The following NHS variants were observed in gnomAD, a reference collection of about 807,000 sequenced individuals.
NHS encodes actin remodeling regulator NHS.
NHS carries 5 observed loss-of-function variants against 72.5 expected under a neutral mutation model. The ratio of observed to expected loss-of-function variants is 0.07; its 90% CI spans 0.04 to 0.14. NHS has a LOEUF of 0.14. Ranked by LOEUF, NHS falls within the 10% of genes least tolerant of loss-of-function variation. NHS has a pLI of 1.00. For missense variants in NHS, 1,072 were observed against 1,355.7 expected, an observed-to-expected ratio of 0.79 and a Z score of 3.29; for synonymous variants, 464 against 547.7, an observed-to-expected ratio of 0.85 and a Z score of 2.13.
chrX:17,579,992 C>T (rs1163497271), intron 1 of NHS, among the ~76,000 whole-genome samples: 2 of 110,964 alleles, frequency 1.8e-5, no homozygotes, highest in Admixed American at 9.6e-5. Flanking sequence ...CTTGTACTGG[C>T]ATCCTTCCCT....
intron 1 of NHS, among the ~76,000 whole-genome samples, chrX:17,596,093 G>A (rs1403089191): frequency 9.0e-6 from 1 of 111,688 alleles, no homozygotes; most frequent in Non-Finnish European, 1.9e-5. Context: ...ATTGAAATCT[G>A]GTAGCTTCAA....
rs1240043097 is a variant in NHS at position 17,671,633 on chromosome X, C to T, written c.566-16109C>T. 2.7e-5 allele frequency among the ~76,000 whole-genome samples: 3 copies of T among 111,753 alleles called. No individual in the cohort carries two copies. In the East Asian group the frequency reaches 8.5e-4, roughly 32 times the overall value. Reference sequence around the variant, plus strand: ...AATATAGAGAATAAATACTCCTTGCCCTGAAAAAGCATCTAGTTTGACAGG... The same window carrying T: ...AATATAGAGAATAAATACTCCTTGCTCTGAAAAAGCATCTAGTTTGACAGG... On this transcript the variant is annotated intron_variant, in intron 1 of 8. Transcript: ENST00000676302.
chrX:17,461,265 G>T (rs1375777062), intron 1 of NHS, among the ~76,000 whole-genome samples: 1 of 112,115 alleles, frequency 8.9e-6, no homozygotes, highest in Non-Finnish European at 1.9e-5. Context: ...GCCAAGGAAA[G>T]CTTTTCAGGG....
At chrX:17,583,180 C>T (rs2065553450) in intron 1 of NHS, among the ~76,000 whole-genome samples, 1 of 111,894 alleles carries the variant, frequency 8.9e-6, no homozygotes, top group South Asian at 3.7e-4. Flanking sequence ...CCACTGTGTA[C>T]ATAATTCTAG....
At chrX:17,465,342 A>G (rs1381166800) in intron 1 of NHS, among the ~76,000 whole-genome samples, 1 of 111,673 alleles carries the variant, frequency 9.0e-6, no homozygotes, top group African/African-American at 3.3e-5. Flanking sequence ...GGAATTAAAG[A>G]AGCACTTTGG....
intron 1 of NHS, among the ~76,000 whole-genome samples, chrX:17,522,497 C>CA (rs1485368950): frequency 1.9e-5 from 1 of 53,770 alleles, no homozygotes; most frequent in Non-Finnish European, 3.9e-5. Context: ...GAAGCCGCCC[C>CA]CCCCCCCCCG....
At chrX:17,402,972 C>T (rs946490566) in intron 1 of NHS, among the ~76,000 whole-genome samples, 1 of 112,093 alleles carries the variant, frequency 8.9e-6, no homozygotes, top group Admixed American at 9.4e-5. Context: ...TGGCTGAACA[C>T]AAGAAAACTT....
chrX:17,574,495 G>A (rs2065499239), intron 1 of NHS, among the ~76,000 whole-genome samples: 1 of 112,348 alleles, frequency 8.9e-6, no homozygotes, highest in African/African-American at 3.2e-5. Flanking sequence ...ATGGGCATGG[G>A]ACCCACCGAG....
intron 1 of NHS, among the ~76,000 whole-genome samples, chrX:17,561,693 TG>T (rs1267121560): frequency 2.9e-5 from 3 of 104,638 alleles, no homozygotes; most frequent in African/African-American, 1.0e-4. Flanking sequence ...GTCCACTGCT[TG>T]GTGCCCACTT....
At chrX:17,489,330 T>C (rs141435577) in intron 1 of NHS, among the ~76,000 whole-genome samples, 42 of 112,045 alleles carry the variant, frequency 3.7e-4, no homozygotes, top group Non-Finnish European at 2.4e-4. Context: ...CTGGGTCAAA[T>C]GATATTTCTG....
At chrX:17,625,996 G>T (rs1371945704) in intron 1 of NHS, among the ~76,000 whole-genome samples, 3 of 111,629 alleles carry the variant, frequency 2.7e-5, no homozygotes, top group East Asian at 2.8e-4. Context: ...ACAAATCCAG[G>T]TTCTTCCAAA....
intron 1 of NHS, among the ~76,000 whole-genome samples, chrX:17,631,556 T>C (rs1201133403): frequency 8.9e-5 from 10 of 111,795 alleles, no homozygotes; most frequent in Non-Finnish European, 1.7e-4. Context: ...AATAACTGAA[T>C]GAAGGTGGCT....
rs759446004 is a variant in NHS at position 17,376,090 on chromosome X, G to C, written c.333G>C (p.Ser111=). The C allele has an allele frequency of 1.7e-5, 18 of 1,048,609 alleles. No individual in the cohort carries two copies. In the Admixed American group the frequency reaches 2.7e-4, roughly 16 times the overall value. The allele number at this position is 1,048,609 out of a possible 1,213,427, so 86.4% of individuals were successfully genotyped here. Residue 111 remains serine (S), a synonymous_variant, in exon 1 of 9, where the codon TCG becomes TCC. Transcript: ENST00000676302. ...CGCCCGCAGCCGGCGAGGCGTCCTC[G>C]GCGGCGGCGGCGGCGGCCGTGCTGC... is the stretch of plus-strand genomic sequence containing the variant. ...EAAPAAGEAS[S]AAAAAAVLLM...
intron 1 of NHS, among the ~76,000 whole-genome samples, chrX:17,531,176 C>A (rs1161597520): frequency 9.1e-6 from 1 of 109,571 alleles, no homozygotes; most frequent in African/African-American, 3.3e-5. Context: ...AGGCCAGTAC[C>A]TCCCCCTTAT....
intron 1 of NHS, among the ~76,000 whole-genome samples, chrX:17,532,898 A>G (rs991070995): frequency 8.0e-5 from 9 of 112,101 alleles, no homozygotes; most frequent in Non-Finnish European, 1.7e-4. Context: ...AAATGGGTAT[A>G]ATAGCTTCTA....
chrX:17,656,162 C>T (rs1243641746), intron 1 of NHS, among the ~76,000 whole-genome samples: 1 of 113,308 alleles, frequency 8.8e-6, no homozygotes, highest in Non-Finnish European at 1.9e-5. Flanking sequence ...CTGACGGCCG[C>T]ATTCCCGGGG....
chrX:17,711,405 C>T (rs1244987068), intron 3 of NHS, among the ~76,000 whole-genome samples: 4 of 112,249 alleles, frequency 3.6e-5, no homozygotes, highest in South Asian at 3.7e-4. Context: ...CATGTGGGGA[C>T]TATTTTCCAC....
At chrX:17,518,164 A>G (rs1200929718) in intron 1 of NHS, among the ~76,000 whole-genome samples, 1 of 111,721 alleles carries the variant, frequency 9.0e-6, no homozygotes, top group Non-Finnish European at 1.9e-5. Context: ...AGTGACAGAT[A>G]AAAGAAGAGA....
chrX:17,409,182 C>T (rs995926664), intron 1 of NHS, among the ~76,000 whole-genome samples: 1 of 112,148 alleles, frequency 8.9e-6, no homozygotes, highest in African/African-American at 3.2e-5. Context: ...GTACTTGTTG[C>T]CCACTGTAAC....
Sources: allele counts gnomAD v4.1 joint callset (sites outside exome capture counted in the v4.1 genomes callset), GRCh38; gene constraint gnomAD v4.1.1; transcripts MANE v1.5; gene names NCBI Gene and HGNC (gene_info 2026-07-23, HGNC 2026-07-21).